Variants in CIRSR observed in about 807,000 individuals in gnomAD.
The protein encoded by CIRSR is CBF1 (RBPJ) interacting corepressor 1.
At chr2:174,372,475 A>C in the CIRSR span, among the ~76,000 whole-genome samples, 1 of 152,242 alleles carries the variant, frequency 6.6e-6, no homozygotes, top group Non-Finnish European at 1.5e-5. Flanking sequence ...TATTTGACCA[A>C]AGGTTGTAAA....
the CIRSR span, chr2:174,395,627 G>A: frequency 6.2e-7 from 1 of 1,614,122 alleles, no homozygotes; most frequent in African/African-American, 1.3e-5. Flanking sequence ...CCCCATCTTG[G>A]AACTGGAACT....
the CIRSR span, among the ~76,000 whole-genome samples, chr2:174,391,368 T>A: frequency 6.6e-6 from 1 of 152,174 alleles, no homozygotes; most frequent in Non-Finnish European, 1.5e-5. Context: ...GGTGGGCAGA[T>A]CACCTTAAGT....
the CIRSR span, among the ~76,000 whole-genome samples, chr2:174,356,904 A>G: frequency 3.9e-5 from 6 of 152,216 alleles, no homozygotes; most frequent in African/African-American, 1.4e-4. Context: ...TGTCTTAGCT[A>G]TTACTTCCAA....
the CIRSR span, among the ~76,000 whole-genome samples, chr2:174,394,286 A>C: frequency 6.6e-6 from 1 of 152,208 alleles, no homozygotes; most frequent in Non-Finnish European, 1.5e-5. Flanking sequence ...AATTCCATCT[A>C]ATCTCTTCAT....
At chr2:174,357,043 G>C in the CIRSR span, among the ~76,000 whole-genome samples, 16 of 152,232 alleles carry the variant, frequency 1.1e-4, no homozygotes, top group African/African-American at 3.9e-4. Flanking sequence ...TGTCTCAAAA[G>C]TATCTTTTTA....
At chr2:174,387,818 A>C in the CIRSR span, 1 of 1,511,718 alleles carries the variant, frequency 6.6e-7, no homozygotes. Flanking sequence ...AAATTGTTGG[A>C]TTTAAATTAA....
chr2:174,360,615 T>G, the CIRSR span, among the ~76,000 whole-genome samples: 1 of 152,208 alleles, frequency 6.6e-6, no homozygotes, highest in South Asian at 2.1e-4. Flanking sequence ...AAGAGTCATG[T>G]AAAAGAGAGT....
At chr2:174,348,756 C>A in the CIRSR span, 26 of 1,614,040 alleles carry the variant, frequency 1.6e-5, no homozygotes, top group Non-Finnish European at 1.9e-5. Flanking sequence ...CTTCTCTGGG[C>A]TATGTTTATG....
chr2:174,387,751 T>C, the CIRSR span: 1 of 1,598,380 alleles, frequency 6.3e-7, no homozygotes, highest in Non-Finnish European at 8.5e-7. Context: ...CTTCTTATCA[T>C]ATGATATTTT....
At chr2:174,354,688 A>ATATAATATATATTATATATTTTATATAT in the CIRSR span, among the ~76,000 whole-genome samples, 1 of 101,666 alleles carries the variant, frequency 9.8e-6, no homozygotes, top group African/African-American at 3.9e-5. Context: ...TTTATATATT[A>ATATAATATATATTATATATTTTATATAT]TATAATACAT....
chr2:174,377,445 A>G, the CIRSR span, among the ~76,000 whole-genome samples: 1 of 152,128 alleles, frequency 6.6e-6, no homozygotes, highest in Non-Finnish European at 1.5e-5. Context: ...AGATTGCCAG[A>G]CCTGTTGTGT....
At chr2:174,376,649 T>A in the CIRSR span, among the ~76,000 whole-genome samples, 2 of 151,266 alleles carry the variant, frequency 1.3e-5, no homozygotes, top group African/African-American at 4.9e-5. Flanking sequence ...TACAAAAAAA[T>A]TAGCCAGGCG....
At chr2:174,378,069 G>A in the CIRSR span, among the ~76,000 whole-genome samples, 6 of 152,152 alleles carry the variant, frequency 3.9e-5, no homozygotes, top group Non-Finnish European at 7.3e-5. Flanking sequence ...GGCCTGAGAG[G>A]ACAGGGCTTC....
chr2:174,360,420 C>CA, the CIRSR span, among the ~76,000 whole-genome samples: 1 of 152,188 alleles, frequency 6.6e-6, no homozygotes, highest in Non-Finnish European at 1.5e-5. Context: ...TCCATTCACT[C>CA]ACTCACTAAA....
the CIRSR span, among the ~76,000 whole-genome samples, chr2:174,349,465 T>C: frequency 6.7e-6 from 1 of 149,350 alleles, no homozygotes; most frequent in Admixed American, 6.8e-5. Flanking sequence ...CTCAGGAGGC[T>C]GAGGCAGAAG....
the CIRSR span, among the ~76,000 whole-genome samples, chr2:174,380,431 T>C: frequency 4.6e-5 from 7 of 152,166 alleles, no homozygotes; most frequent in Admixed American, 6.5e-5. Flanking sequence ...ATTATGTGTC[T>C]AGTCTGATAA....
the CIRSR span, chr2:174,380,727 C>T: frequency 6.2e-7 from 1 of 1,611,004 alleles, no homozygotes; most frequent in Non-Finnish European, 8.5e-7. Context: ...TAAAAACATT[C>T]ATTGAAAATT....
chr2:174,370,109 C>A, the CIRSR span: 1 of 1,310,298 alleles, frequency 7.6e-7, no homozygotes, highest in Non-Finnish European at 1.0e-6. Context: ...TGGTGTAGAG[C>A]TGAGTTCAAC....
the CIRSR span, among the ~76,000 whole-genome samples, chr2:174,367,400 A>C: frequency 6.6e-6 from 1 of 152,184 alleles, no homozygotes; most frequent in Non-Finnish European, 1.5e-5. Context: ...TAACACAGTG[A>C]AACCCCGTCT....
Sources: allele counts gnomAD v4.1 joint callset (sites outside exome capture counted in the v4.1 genomes callset), GRCh38; gene constraint gnomAD v4.1.1; transcripts MANE v1.5; gene names NCBI Gene and HGNC (gene_info 2026-07-23, HGNC 2026-07-21).